OASL: variants seen among roughly 807,000 people sequenced by gnomAD.
OASL encodes 2'-5'-oligoadenylate synthase-like protein.
Under a neutral mutation model 35.3 loss-of-function variants are expected in OASL, and 28 were observed. That is an observed-to-expected ratio of 0.79 (90% confidence interval 0.59 to 1.09). OASL has a LOEUF of 1.09. Ranked by LOEUF, OASL falls within the 50% of genes least tolerant of loss-of-function variation. OASL has a pLI of 0.00. For missense variants in OASL, 620 were observed against 635.2 expected, an observed-to-expected ratio of 0.98 and a Z score of 0.26; for synonymous variants, 252 against 254.6, an observed-to-expected ratio of 0.99 and a Z score of 0.10.
Position 121,027,571 on chromosome 12 carries a change from A to C in OASL, c.899+5T>G. The C allele has an allele frequency of 6.2e-7, 1 of 1,614,074 alleles. No homozygotes were observed. Among genetic ancestry groups the C allele is most frequent in the South Asian group, 1.1e-5 (1 of 91,052 alleles). ...AGATTTGGTGGGCAAACAGTGGTCC[A>C]GTACCTCTCTTTTTTGAGCTGTTTT... On this transcript the variant is annotated splice_donor_5th_base_variant and intron_variant, in intron 4 of 5. Coordinates refer to ENST00000257570, the Ensembl canonical transcript of OASL.
rs1869369811 is a variant in OASL, at chr12:121,023,987, T to C, written c.1047+3A>G. 6.2e-7 allele frequency: 1 copy of C among 1,614,068 alleles called. No individual in the cohort carries two copies. The highest frequency in any genetic ancestry group is 2.2e-5 in the East Asian group (1 of 44,866). ...CCTTGACAGCCCAGAGAGGAGCCAT[T>C]ACCTTCACGTTCCAGCTGGAGATGG... On this transcript the variant is annotated splice_donor_region_variant and intron_variant, in intron 5 of 5. Coordinates refer to ENST00000257570, the Ensembl canonical transcript of OASL.
chr12:121,033,315 A>C (rs898339772), intron 2 of OASL, 146 bp downstream of exon 2: 19 of 730,048 alleles, frequency 2.6e-5, no homozygotes, highest in Non-Finnish European at 2.7e-5. Flanking sequence ...AATCCTGTGC[A>C]CTGCAATAAC....
downstream of OASL, among the ~76,000 whole-genome samples, chr12:121,017,905 T>C (rs1007046959): frequency 6.6e-6 from 1 of 152,224 alleles, no homozygotes; most frequent in African/African-American, 2.4e-5. Context: ...ACAAGTACCG[T>C]TGATCACAGG....
intron 5 of OASL, among the ~76,000 whole-genome samples, chr12:121,022,122 CTG>C (rs1166449236): frequency 3.0e-5 from 4 of 133,944 alleles, no homozygotes; most frequent in Non-Finnish European, 6.2e-5. Flanking sequence ...GAATCTCACT[CTG>C]TTGCCAGGCT....
intron 1 of OASL, among the ~76,000 whole-genome samples, chr12:121,037,852 G>A (rs1310070064): frequency 6.6e-6 from 1 of 151,714 alleles, no homozygotes; most frequent in Non-Finnish European, 1.5e-5. Flanking sequence ...AGCACTTTGG[G>A]AGGCCAAGGT....
chr12:121,032,525 C>T (rs1024100818), intron 2 of OASL, among the ~76,000 whole-genome samples: 1 of 152,116 alleles, frequency 6.6e-6, no homozygotes, highest in African/African-American at 2.4e-5. Context: ...AGCACGCCAG[C>T]GTCCCACTTG....
chr12:121,039,044 C>G, exon 1 of OASL: 1 of 1,308,100 alleles, frequency 7.6e-7, no homozygotes, highest in Middle Eastern at 1.9e-4. Flanking sequence ...CACACACCTC[C>G]TTTTTTAAGG....
intron 1 of OASL, among the ~76,000 whole-genome samples, chr12:121,036,743 G>C (rs551515331): frequency 6.6e-6 from 1 of 152,288 alleles, no homozygotes; most frequent in African/African-American, 2.4e-5. Context: ...AGTTTGTTGG[G>C]GAGGGGGTGG....
At chr12:121,021,450 A>C (rs1238691425) in intron 5 of OASL, among the ~76,000 whole-genome samples, 1 of 152,246 alleles carries the variant, frequency 6.6e-6, no homozygotes, top group African/African-American at 2.4e-5. Context: ...TGAGAGCCCC[A>C]GGTGGCTGGA....
At chr12:121,018,382 C>T (rs561252067), downstream of OASL, among the ~76,000 whole-genome samples, 5 of 152,032 alleles carry the variant, frequency 3.3e-5, no homozygotes, top group African/African-American at 1.2e-4. Context: ...TCTTCTGGCC[C>T]GCTCTCTTCC....
chr12:121,028,809 A>T (rs1869606326), intron 3 of OASL, among the ~76,000 whole-genome samples: 1 of 152,166 alleles, frequency 6.6e-6, no homozygotes, highest in Non-Finnish European at 1.5e-5. Flanking sequence ...TCCCGCCCGT[A>T]ATCCCAGCAC....
At chr12:121,023,161 T>C (rs1194504652) in intron 5 of OASL, among the ~76,000 whole-genome samples, 1 of 152,166 alleles carries the variant, frequency 6.6e-6, no homozygotes, top group Non-Finnish European at 1.5e-5. Flanking sequence ...TGTTTGTTTG[T>C]TTGTTTTCAG....
At chr12:121,031,530 G>C (rs776727366) in exon 3 of OASL, 3 of 1,614,138 alleles carry the variant, frequency 1.9e-6, no homozygotes, top group South Asian at 1.1e-5. Flanking sequence ...CTCGCTGAAG[G>C]ATGGGCAGAA....
chr12:121,019,166 T>C (rs1239320912), exon 6 of OASL: 1 of 152,138 alleles, frequency 6.6e-6, no homozygotes, highest in South Asian at 2.1e-4. Context: ...CCACCTACAA[T>C]GTGGGCTGTG....
rs574976658 is a variant in OASL, at chr12:121,025,865, C to T, written c.899+1711G>A. ...TTCATCTGTGTAATCGAATGTGACA[C>T]AGGCTACTGGAATGAACTGGACTTT... is the stretch of plus-strand genomic sequence containing the variant. On this transcript the variant is annotated intron_variant, in intron 4 of 5. Coordinates refer to ENST00000257570, the Ensembl canonical transcript of OASL. 2.0e-5 allele frequency among the ~76,000 whole-genome samples: 3 copies of T among 152,208 alleles called. No individual in the cohort carries two copies. In the South Asian group the frequency reaches 6.2e-4, roughly 32 times the overall value.
chr12:121,019,688 C>T (rs1470943092), exon 6 of OASL: 1 of 152,192 alleles, frequency 6.6e-6, no homozygotes, highest in Non-Finnish European at 1.5e-5. Flanking sequence ...CAAATGAGAA[C>T]TAACAAAGGC....
intron 1 of OASL, among the ~76,000 whole-genome samples, chr12:121,036,521 C>T (rs1021796517): frequency 2.0e-5 from 3 of 152,134 alleles, no homozygotes; most frequent in Non-Finnish European, 4.4e-5. Flanking sequence ...TGGTGGTTCA[C>T]ACCTGTAATC....
At chr12:121,026,563 G>A (rs1407453401) in intron 4 of OASL, among the ~76,000 whole-genome samples, 1 of 152,188 alleles carries the variant, frequency 6.6e-6, no homozygotes, top group East Asian at 1.9e-4. Flanking sequence ...GAAAGAGTAT[G>A]GAATGGGGCC....
At chr12:121,039,102 T>C (rs905044624) in exon 1 of OASL, 2 of 726,664 alleles carry the variant, frequency 2.8e-6, no homozygotes, top group African/African-American at 1.8e-5. Context: ...GGAGGGACCC[T>C]AGCAGAGAGG....
Sources: allele counts gnomAD v4.1 joint callset (sites outside exome capture counted in the v4.1 genomes callset), GRCh38; gene constraint gnomAD v4.1.1; transcripts MANE v1.5; gene names NCBI Gene and HGNC (gene_info 2026-07-23, HGNC 2026-07-21).